Variants in MAML3 observed in about 807,000 individuals in gnomAD.
The protein encoded by MAML3 is mastermind like transcriptional coactivator 3, also known as mastermind-like protein 3.
Under a neutral mutation model 101.9 loss-of-function variants are expected in MAML3, and 27 were observed. The observed-to-expected ratio is 0.27, with a 90% CI of 0.20 to 0.37. The LOEUF (loss-of-function observed/expected upper bound fraction) is 0.37, where lower values mean the gene tolerates loss of function less well. Among genes scored for constraint, MAML3 ranks in the 10% least tolerant of loss-of-function variants. MAML3 has a pLI of 1.00. For missense variants in MAML3, 1,316 were observed against 1,444.9 expected, an observed-to-expected ratio of 0.91 and a Z score of 1.45; for synonymous variants, 501 against 555.9, an observed-to-expected ratio of 0.90 and a Z score of 1.39.
intron 2 of MAML3, among the ~76,000 whole-genome samples, chr4:139,761,810 G>T (rs1388486288): frequency 6.6e-6 from 1 of 152,300 alleles, no homozygotes; most frequent in East Asian, 1.9e-4. Context: ...ACCCAGCCTG[G>T]CTGGGTCAAG....
At chr4:139,842,536 T>C (rs1731379432) in intron 2 of MAML3, among the ~76,000 whole-genome samples, 1 of 152,138 alleles carries the variant, frequency 6.6e-6, no homozygotes, top group Admixed American at 6.5e-5. Flanking sequence ...TTATTTGTTT[T>C]GAGACAGGAT....
At chr4:139,925,571 A>G (rs193057245) in intron 1 of MAML3, among the ~76,000 whole-genome samples, 1 of 152,158 alleles carries the variant, frequency 6.6e-6, no homozygotes, top group Admixed American at 6.5e-5. Context: ...GCCAAAAAAA[A>G]CAAGGTGTTG....
At chr4:139,812,197 A>G (rs1250174303) in intron 2 of MAML3, among the ~76,000 whole-genome samples, 5 of 152,264 alleles carry the variant, frequency 3.3e-5, no homozygotes, top group Admixed American at 1.3e-4. Context: ...AGCTGTAGTG[A>G]GCTATGGTTG....
chr4:139,974,536 C>T (rs1299603731), intron 1 of MAML3, among the ~76,000 whole-genome samples: 1 of 152,106 alleles, frequency 6.6e-6, no homozygotes, highest in African/African-American at 2.4e-5. Flanking sequence ...AGGCAGTGTA[C>T]ACATTAAACA....
intron 1 of MAML3, among the ~76,000 whole-genome samples, chr4:140,044,153 CG>C (rs1171493700): frequency 6.6e-6 from 1 of 151,206 alleles, no homozygotes; most frequent in East Asian, 1.9e-4. Context: ...GGTGTGTTCT[CG>C]GCAGTTTCAA....
At chr4:139,923,856 C>T (rs1733174199) in intron 1 of MAML3, among the ~76,000 whole-genome samples, 1 of 152,094 alleles carries the variant, frequency 6.6e-6, no homozygotes, top group Non-Finnish European at 1.5e-5. Flanking sequence ...TGATTACTGG[C>T]TACCCTTATT....
rs1356178955 is a variant in MAML3, at chr4:139,725,774, A to C, written c.2393T>G (p.Val798Gly). 2 of 1,613,890 alleles carry C rather than the reference A, an allele frequency of 1.2e-6. No homozygotes were observed. The highest frequency in any genetic ancestry group is 1.7e-6 in the Non-Finnish European group (2 of 1,179,888). The change falls in exon 4 of 5, where the codon GTG becomes GGG. Residue 798 changes from valine (V) to glycine (G), a missense_variant. Physicochemically the swap from Val to Gly is moderately radical, Grantham distance 109. Transcript: ENST00000509479. ...HLQPQRNPYPVQQVNQFQGSP... is the reference protein window; with the variant it reads ...HLQPQRNPYPGQQVNQFQGSP... ...ACCTTGAAACTGATTGACCTGCTGC[A>C]CTGGGTATGGATTCCGCTGTGGCTG...
At chr4:139,726,647 A>G (rs1728484175) in intron 3 of MAML3, among the ~76,000 whole-genome samples, 1 of 150,826 alleles carries the variant, frequency 6.6e-6, no homozygotes, top group Admixed American at 6.6e-5. Context: ...TCTTATTCCC[A>G]TGAAGCCACA....
intron 2 of MAML3, among the ~76,000 whole-genome samples, chr4:139,809,863 C>T (rs1254520898): frequency 5.7e-5 from 8 of 139,316 alleles, no homozygotes; most frequent in Non-Finnish European, 9.2e-5. Flanking sequence ...TATACCTGCA[C>T]GTACACACAC....
chr4:140,036,780 A>G (rs1726992694), intron 1 of MAML3, among the ~76,000 whole-genome samples: 1 of 152,240 alleles, frequency 6.6e-6, no homozygotes, highest in Admixed American at 6.5e-5. Context: ...TTATAAAAAT[A>G]ACCATGCTTT....
chr4:140,141,464 G>T (rs1728979365), intron 1 of MAML3, among the ~76,000 whole-genome samples: 1 of 152,118 alleles, frequency 6.6e-6, no homozygotes, highest in South Asian at 2.1e-4. Context: ...ACTCCAATCT[G>T]CACCCACGAA....
At position 140,104,370 on chromosome 4, in the gene MAML3, A is replaced by ATATATAATATATATATATTATATAT. The variant is rs1168415888; in HGVS notation, c.468+48465_468+48489dup. On this transcript the variant is annotated intron_variant, in intron 1 of 4. Coordinates refer to ENST00000509479, the MANE Select transcript of MAML3 (RefSeq NM_018717.5). ...AAAAAACCAAACCTATTTTATATAT[A>ATATATAATATATATATATTATATAT]TATATAATATATATATATTATATAT... 4.8e-3 allele frequency among the ~76,000 whole-genome samples: 106 copies of ATATATAATATATATATATTATATAT among 22,224 alleles called. 3 individuals are homozygous for ATATATAATATATATATATTATATAT. The highest frequency in any genetic ancestry group is 0.018 in the East Asian group (17 of 926). 14.6% of individuals were successfully genotyped at this position (22,224 alleles called of 152,430 possible). A position where few individuals can be genotyped will look rare whatever the true frequency, so the allele number is the denominator to read the frequency against.
At chr4:139,906,575 G>A (rs184062585) in intron 1 of MAML3, among the ~76,000 whole-genome samples, 8 of 152,300 alleles carry the variant, frequency 5.3e-5, no homozygotes, top group East Asian at 3.9e-4. Flanking sequence ...GGATTCTTGC[G>A]CCAGCCCAGT....
chr4:139,848,295 C>G (rs1731485489), intron 2 of MAML3, among the ~76,000 whole-genome samples: 1 of 152,140 alleles, frequency 6.6e-6, no homozygotes, highest in South Asian at 2.1e-4. Context: ...CACCAGGGCA[C>G]CGTTAAAGCT....
rs181376359 is a variant in MAML3 at position 139,888,714 on chromosome 4, G to C, written c.2079+643C>G. ...TTCACCATCACATTTTCCTGAAATA[G>C]AGCTGATTGTATCAGAGAGGTTTCA... On this transcript the variant is annotated intron_variant, in intron 2 of 4. Transcript: ENST00000509479. 716 of 514,416 alleles carry C rather than the reference G, an allele frequency of 1.4e-3. 2 individuals are homozygous for C. Among genetic ancestry groups the C allele is most frequent in the Non-Finnish European group, 2.3e-3 (592 of 257,448 alleles). 31.9% of individuals were successfully genotyped at this position (514,416 alleles called of 1,614,324 possible).
At chr4:139,804,588 T>C (rs1730671994) in intron 2 of MAML3, among the ~76,000 whole-genome samples, 1 of 152,114 alleles carries the variant, frequency 6.6e-6, no homozygotes, top group African/African-American at 2.4e-5. Flanking sequence ...TTTAATACAT[T>C]CATGGATCCC....
intron 2 of MAML3, among the ~76,000 whole-genome samples, chr4:139,829,023 ACG>A (rs1731115650): frequency 2.6e-5 from 2 of 77,200 alleles, no homozygotes; most frequent in Admixed American, 1.6e-4. Flanking sequence ...GGAAGGAAGG[ACG>A]GACGGACGGA....
intron 2 of MAML3, among the ~76,000 whole-genome samples, chr4:139,826,995 G>A (rs1731072952): frequency 6.6e-6 from 1 of 152,156 alleles, no homozygotes; most frequent in South Asian, 2.1e-4. Flanking sequence ...TAAGCCAGAA[G>A]TTCTAGGTAA....
At chr4:139,931,399 T>A (rs1369576529) in intron 1 of MAML3, among the ~76,000 whole-genome samples, 1 of 152,232 alleles carries the variant, frequency 6.6e-6, no homozygotes, top group Non-Finnish European at 1.5e-5. Flanking sequence ...GGGTTCCTGC[T>A]GTCATTTCTT....
Sources: allele counts gnomAD v4.1 joint callset (sites outside exome capture counted in the v4.1 genomes callset), GRCh38; gene constraint gnomAD v4.1.1; transcripts MANE v1.5; gene names NCBI Gene and HGNC (gene_info 2026-07-23, HGNC 2026-07-21).